The following BABAM2 variants were observed in gnomAD, a reference collection of about 807,000 sequenced individuals.
BABAM2 encodes BRISC and BRCA1-A complex member 2.
In BABAM2, 31 loss-of-function variants were observed where a neutral mutation model predicts 54.7. The observed-to-expected ratio is 0.57, with a 90% CI of 0.43 to 0.77. BABAM2 has a LOEUF of 0.77. Among genes scored for constraint, BABAM2 ranks in the 30% least tolerant of loss-of-function variants. The pLI, the probability that BABAM2 is intolerant of heterozygous loss-of-function variation, is 0.00. For synonymous variants in BABAM2, 167 were observed against 162.9 expected, an observed-to-expected ratio of 1.03 and a Z score of -0.19; for missense variants, 364 against 455.8, an observed-to-expected ratio of 0.80 and a Z score of 1.83.
intron 4 of BABAM2, among the ~76,000 whole-genome samples, chr2:28,020,952 G>GACACACACAC (rs57086132): frequency 0.041 from 5,921 of 144,432 alleles, 142 homozygotes; most frequent in Non-Finnish European, 0.044. Context: ...CTGTCTCTCT[G>GACACACACAC]ACACACACAC....
chr2:28,056,022 A>C (rs540144807), intron 6 of BABAM2, among the ~76,000 whole-genome samples: 2 of 152,188 alleles, frequency 1.3e-5, no homozygotes, highest in Non-Finnish European at 2.9e-5. Context: ...TCTCGCTTGT[A>C]TGTAGAATCT....
intron 4 of BABAM2, among the ~76,000 whole-genome samples, chr2:27,990,175 C>T (rs374293629): frequency 2.6e-5 from 4 of 152,104 alleles, no homozygotes; most frequent in East Asian, 1.9e-4. Context: ...CATGGATCAG[C>T]GGGCTGAGCA....
At chr2:28,029,898 A>G (rs968746105) in intron 5 of BABAM2, among the ~76,000 whole-genome samples, 4 of 152,192 alleles carry the variant, frequency 2.6e-5, no homozygotes, top group Non-Finnish European at 4.4e-5. Context: ...ACTTTGTTGA[A>G]CTTAATTTAG....
At chr2:28,198,380 A>G (rs1287819659) in intron 7 of BABAM2, among the ~76,000 whole-genome samples, 1 of 152,050 alleles carries the variant, frequency 6.6e-6, no homozygotes, top group Non-Finnish European at 1.5e-5. Flanking sequence ...ATTAGCCAGG[A>G]CGGTCTCAAT....
intron 2 of BABAM2, among the ~76,000 whole-genome samples, chr2:27,919,774 A>G (rs1206203373): frequency 2.0e-5 from 3 of 152,202 alleles, no homozygotes; most frequent in African/African-American, 2.4e-5. Flanking sequence ...TACTGAAACC[A>G]TATTGTAATT....
At chr2:28,165,529 C>CTTTTTTTTTTTTTT (rs1192641957) in intron 7 of BABAM2, among the ~76,000 whole-genome samples, 5 of 72,254 alleles carry the variant, frequency 6.9e-5, no homozygotes, top group African/African-American at 1.1e-4. Context: ...TTTTTCCTTG[C>CTTTTTTTTTTTTTT]TTTTTTTTTT....
At chr2:28,032,511 A>T (rs1369053209) in intron 5 of BABAM2, among the ~76,000 whole-genome samples, 1 of 152,058 alleles carries the variant, frequency 6.6e-6, no homozygotes, top group Admixed American at 6.6e-5. Flanking sequence ...ACCAAAAAAA[A>T]CCCATTCTTT....
In BABAM2 at chr2:28,322,811, GC is replaced by G. The variant is rs1415302783; in HGVS notation, c.1089-15638del. Among the ~76,000 whole-genome samples, 2 of 152,244 alleles carry G rather than the reference GC, an allele frequency of 1.3e-5. No homozygotes were observed. Among genetic ancestry groups the G allele is most frequent in the Non-Finnish European group, 2.9e-5 (2 of 68,042 alleles). On this transcript the variant is annotated intron_variant, in intron 11 of 11. Transcript: ENST00000379624. This position sits in a 1 kb window ranked among gnomAD's most constrained non-coding sequence, Gnocchi z 4.1. ...TCCTGCTTAGCTGACTGCCAGACTT[GC>G]AAAGGGGAATTAATTATTGTTTGTG...
chr2:28,058,296 A>C (rs778522787), intron 6 of BABAM2, among the ~76,000 whole-genome samples: 3 of 152,128 alleles, frequency 2.0e-5, no homozygotes, highest in Non-Finnish European at 4.4e-5. Context: ...TTTTAAAGAC[A>C]TAGTGTTACA....
chr2:27,960,519 G>A (rs745738341), intron 3 of BABAM2, among the ~76,000 whole-genome samples: 1 of 151,940 alleles, frequency 6.6e-6, no homozygotes, highest in Admixed American at 6.6e-5. Flanking sequence ...AGTGTTGCTT[G>A]TCTGTGTCGA....
chr2:27,982,976 G>T (rs1672132895), intron 3 of BABAM2, among the ~76,000 whole-genome samples: 1 of 151,926 alleles, frequency 6.6e-6, no homozygotes. Context: ...GCTGTGAACA[G>T]ATGTGTGCAA....
chr2:28,112,102 T>TTTCC (rs1259480372), intron 6 of BABAM2, among the ~76,000 whole-genome samples: 144 of 8,644 alleles, frequency 0.017, 2 homozygotes, highest in African/African-American at 0.066. Context: ...TCTTTCTTTC[T>TTTCC]TTCTTTCTTT....
At chr2:28,078,953 T>G in intron 6 of BABAM2, among the ~76,000 whole-genome samples, 1 of 152,352 alleles carries the variant, frequency 6.6e-6, no homozygotes, top group East Asian at 1.9e-4. Flanking sequence ...GGTTCTCATT[T>G]AGATTTATTT....
intron 5 of BABAM2, among the ~76,000 whole-genome samples, chr2:28,026,947 T>TATA (rs1491152158): frequency 2.2e-4 from 1 of 4,516 alleles, no homozygotes; most frequent in Non-Finnish European, 2.1e-3. Context: ...TAAATATATA[T>TATA]TAATATATAT....
At chr2:28,216,621 A>C (rs1224375273) in intron 7 of BABAM2, among the ~76,000 whole-genome samples, 1 of 152,192 alleles carries the variant, frequency 6.6e-6, no homozygotes, top group East Asian at 1.9e-4. Context: ...TATCGTACAG[A>C]GTGTTGGCTC....
intron 3 of BABAM2, among the ~76,000 whole-genome samples, chr2:27,950,992 T>A (rs1012270256): frequency 2.6e-5 from 4 of 152,158 alleles, no homozygotes; most frequent in Non-Finnish European, 5.9e-5. Flanking sequence ...TGTAGTGATG[T>A]TACCTCTGTG....
At chr2:28,186,402 G>T (rs1189743383) in intron 7 of BABAM2, among the ~76,000 whole-genome samples, 1 of 152,078 alleles carries the variant, frequency 6.6e-6, no homozygotes, top group Non-Finnish European at 1.5e-5. Context: ...GTCTTTATGG[G>T]AACATTTTAG....
intron 7 of BABAM2, among the ~76,000 whole-genome samples, chr2:28,225,469 G>C (rs1680800740): frequency 6.6e-6 from 1 of 152,188 alleles, no homozygotes; most frequent in South Asian, 2.1e-4. Context: ...AGGCTGGATA[G>C]CTTCTCTATT....
At chr2:28,220,441 C>T (rs936522259) in intron 7 of BABAM2, among the ~76,000 whole-genome samples, 1 of 152,040 alleles carries the variant, frequency 6.6e-6, no homozygotes, top group African/African-American at 2.4e-5. Flanking sequence ...GATTTTAGAT[C>T]AATAACATAG....
Sources: allele counts gnomAD v4.1 joint callset (sites outside exome capture counted in the v4.1 genomes callset), GRCh38; gene constraint gnomAD v4.1.1; non-coding constraint Gnocchi (gnomAD v3.1); transcripts MANE v1.5; gene names NCBI Gene and HGNC (gene_info 2026-07-23, HGNC 2026-07-21).